The following OXNAD1 variants were observed in gnomAD, a reference collection of about 807,000 sequenced individuals.
OXNAD1 encodes oxidoreductase NAD-binding domain-containing protein 1.
Under a neutral mutation model 32.9 loss-of-function variants are expected in OXNAD1, and 34 were observed. The observed-to-expected ratio is 1.03, with a 90% CI of 0.79 to 1.38. OXNAD1 has a LOEUF of 1.38. OXNAD1 is among the 40% of genes most tolerant of loss of function. OXNAD1 has a pLI of 0.00. For synonymous variants in OXNAD1, 134 were observed against 135.2 expected (o/e 0.99, Z 0.06); for missense variants, 407 against 379.4 (o/e 1.07, Z -0.60).
chr3:16,316,751 C>T lies in OXNAD1; in HGVS notation c.*30+13159C>T. On this transcript the variant is annotated intron_variant, in intron 9 of 9. Transcript: ENST00000435829. The surrounding 1 kb of genome is among the most constrained non-coding windows in gnomAD (Gnocchi z 4.5). ...TAGGTAACACACAACACCAGGGAAACCAGCCCCCAAACCAGCTGTTGGTAA... is the reference window on the plus strand; with the variant it reads ...TAGGTAACACACAACACCAGGGAAATCAGCCCCCAAACCAGCTGTTGGTAA... 6.4e-7 allele frequency: 1 copy of T among 1,572,692 alleles called. No homozygotes were observed. The highest frequency in any genetic ancestry group is 1.1e-5 in the South Asian group (1 of 89,384).
In OXNAD1 at chr3:16,342,813, A is replaced by C. The variant is rs1027452228; in HGVS notation, c.*31-6363A>C. 4.6e-5 allele frequency among the ~76,000 whole-genome samples: 7 copies of C among 152,138 alleles called. No homozygotes were observed. The highest frequency in any genetic ancestry group is 1.4e-4 in the African/African-American group (6 of 41,426). On this transcript the variant is annotated intron_variant, in intron 9 of 9. Coordinates refer to the OXNAD1 transcript ENST00000606098. The surrounding 1 kb of genome is among the most constrained non-coding windows in gnomAD (Gnocchi z 4.0). ...TTCAAGTTGGAAGGGGTCAGGGTGG[A>C]CCTCTAGTCCAGTGGCTGCTAGGCC... is the stretch of plus-strand genomic sequence containing the variant.
Position 16,305,690 on chromosome 3 carries a change from C to A in OXNAD1, c.*2128C>A, listed in dbSNP as rs1480157947. On this transcript the variant is annotated 3_prime_UTR_variant, in exon 9 of 9. Coordinates refer to ENST00000285083, the MANE Select transcript of OXNAD1 (RefSeq NM_138381.5). This position sits in a 1 kb window ranked among gnomAD's most constrained non-coding sequence, Gnocchi z 4.5. The stretch of plus-strand genomic sequence containing the variant: ...TGAGCCAGATTGCCTGGGTTCAGAT[C>A]TCACCTATACTACTTACTAGGTAGA... 1 of 152,198 alleles carries A rather than the reference C, an allele frequency of 6.6e-6. No homozygotes were observed. Among genetic ancestry groups the A allele is most frequent in the Non-Finnish European group, 1.5e-5 (1 of 68,032 alleles). The allele number at this position is 152,198 out of a possible 1,614,324, so 9.4% of individuals were successfully genotyped here. A position where few individuals can be genotyped will look rare whatever the true frequency, so the allele number is the denominator to read the frequency against.
Position 16,316,908 on chromosome 3 carries a change from C to T in OXNAD1, c.*30+13316C>T. 6.2e-7 allele frequency: 1 copy of T among 1,614,136 alleles called. No homozygotes were observed. The highest frequency in any genetic ancestry group is 1.1e-5 in the South Asian group (1 of 91,084). ...GCATCCTCTCCAGGATTGGAGTGCC[C>T]AGTGCAAATCCCCACCAGGGCCCTG... On this transcript the variant is annotated intron_variant, in intron 9 of 9. Coordinates refer to the OXNAD1 transcript ENST00000435829. The surrounding 1 kb of genome is among the most constrained non-coding windows in gnomAD (Gnocchi z 4.5).
chr3:16,287,362 T>G lies in OXNAD1; in HGVS notation c.290+914T>G, dbSNP rs1559746876. 6.6e-6 allele frequency among the ~76,000 whole-genome samples: 1 copy of G among 152,190 alleles called. No homozygotes were observed. The highest frequency in any genetic ancestry group is 1.5e-5 in the Non-Finnish European group (1 of 68,036). On this transcript the variant is annotated intron_variant, in intron 5 of 8. Coordinates refer to ENST00000285083, the MANE Select transcript of OXNAD1 (RefSeq NM_138381.5). The surrounding 1 kb of genome is among the most constrained non-coding windows in gnomAD (Gnocchi z 4.8). ...TGATAATAGCAAGAGTTAGCAGTCTTGTGTGTTAATAGTTTGCCTTTGAAT... is the reference window on the plus strand; with the variant it reads ...TGATAATAGCAAGAGTTAGCAGTCTGGTGTGTTAATAGTTTGCCTTTGAAT...
rs574151957 is a variant in OXNAD1 at position 16,290,317 on chromosome 3, T to C, written c.290+3869T>C. Among the ~76,000 whole-genome samples, 3 of 152,376 alleles carry C rather than the reference T, an allele frequency of 2.0e-5. No individual in the cohort carries two copies. The highest frequency in any genetic ancestry group is 4.4e-5 in the Non-Finnish European group (3 of 68,042). The stretch of plus-strand genomic sequence containing the variant: ...TCTTGGACAGATGTTTTATGAAATA[T>C]GTATTGTGCATATTTTCTTAAATCC... On this transcript the variant is annotated intron_variant, in intron 5 of 8. Coordinates refer to ENST00000285083, the MANE Select transcript of OXNAD1 (RefSeq NM_138381.5). This position sits in a 1 kb window ranked among gnomAD's most constrained non-coding sequence, Gnocchi z 4.2.
chr3:16,300,574 A>G (rs1009051283), intron 6 of OXNAD1, among the ~76,000 whole-genome samples: 1 of 152,228 alleles, frequency 6.6e-6, no homozygotes, highest in Non-Finnish European at 1.5e-5. Flanking sequence ...TTTCACCTAC[A>G]AGAACGTCTT....
Position 16,329,254 on chromosome 3 carries a change from A to T in OXNAD1, c.*31-7858A>T, listed in dbSNP as rs561078037. 2.2e-4 allele frequency among the ~76,000 whole-genome samples: 34 copies of T among 152,332 alleles called. No individual in the cohort carries two copies. The highest frequency in any genetic ancestry group is 7.2e-4 in the African/African-American group (30 of 41,574). On this transcript the variant is annotated intron_variant, in intron 9 of 9. Coordinates refer to the OXNAD1 transcript ENST00000435829. The surrounding 1 kb of genome is among the most constrained non-coding windows in gnomAD (Gnocchi z 4.5). ...GGACTTCCCAGCCTCCAGGACCAGG[A>T]GCCAAGAACTGTCTGTCCTTTATAA...
At position 16,271,605 on chromosome 3, in the gene OXNAD1, T is replaced by G. The variant is rs963829118; in HGVS notation, c.120-54T>G. ...CATGATATTTCAGGAAAAACTAATT[T>G]TATTATTTTTATGAGGATAATATGT... is the stretch of plus-strand genomic sequence containing the variant. On this transcript the variant is annotated intron_variant, in intron 3 of 8. Coordinates refer to ENST00000285083, the MANE Select transcript of OXNAD1 (RefSeq NM_138381.5). The surrounding 1 kb of genome is among the most constrained non-coding windows in gnomAD (Gnocchi z 4.6). The G allele has an allele frequency of 2.2e-6, 3 of 1,360,568 alleles. No homozygotes were observed. Among genetic ancestry groups the G allele is most frequent in the Non-Finnish European group, 2.0e-6 (2 of 985,990 alleles). 84.3% of individuals were successfully genotyped at this position (1,360,568 alleles called of 1,614,324 possible).
Position 16,342,446 on chromosome 3 carries a change from A to G in OXNAD1, c.*31-6730A>G. Among the ~76,000 whole-genome samples, 1 of 152,208 alleles carries G rather than the reference A, an allele frequency of 6.6e-6. No individual in the cohort carries two copies. Reference sequence around the variant, plus strand: ...TTATTCATCATTTGATGAACATTTAAGTTGTTTCTACTTTTTGGACATTAC... The same window carrying G: ...TTATTCATCATTTGATGAACATTTAGGTTGTTTCTACTTTTTGGACATTAC... On this transcript the variant is annotated intron_variant, in intron 9 of 9. Coordinates refer to the OXNAD1 transcript ENST00000606098. The surrounding 1 kb of genome is among the most constrained non-coding windows in gnomAD (Gnocchi z 4.0).
At chr3:16,276,042 A>G (rs2065294789) in intron 4 of OXNAD1, 1 of 156,126 alleles carries the variant, frequency 6.4e-6, no homozygotes, top group Admixed American at 6.5e-5. Flanking sequence ...GTTAACATGT[A>G]TTTTGACTTG....
intron 5 of OXNAD1, among the ~76,000 whole-genome samples, chr3:16,294,614 GT>G (rs2125067012): frequency 1.3e-5 from 2 of 152,284 alleles, no homozygotes; most frequent in South Asian, 4.1e-4. Flanking sequence ...AGATTTGGTA[GT>G]TTATGTCATT....
At chr3:16,272,484 A>G (rs2065018827) in intron 4 of OXNAD1, among the ~76,000 whole-genome samples, 2 of 152,210 alleles carry the variant, frequency 1.3e-5, no homozygotes, top group South Asian at 2.1e-4. Context: ...TACTTCTACA[A>G]ACATGGGCAG....
rs142372663 is a variant in OXNAD1, at chr3:16,289,318, T to C, written c.290+2870T>C. On this transcript the variant is annotated intron_variant, in intron 5 of 8. Transcript: ENST00000285083. The surrounding 1 kb of genome is among the most constrained non-coding windows in gnomAD (Gnocchi z 4.9). ...CAGGAGTGGGGGCTTATCACCACCA[T>C]GTCACCACTGATGCCCCAGTCAGTA... is the stretch of plus-strand genomic sequence containing the variant. 6.6e-6 allele frequency among the ~76,000 whole-genome samples: 1 copy of C among 152,280 alleles called. No homozygotes were observed. The highest frequency in any genetic ancestry group is 2.4e-5 in the African/African-American group (1 of 41,550).
intron 9 of OXNAD1, among the ~76,000 whole-genome samples, chr3:16,313,051 CTT>C (rs11325593): frequency 2.0e-4 from 29 of 145,354 alleles, no homozygotes; most frequent in African/African-American, 3.3e-4. Flanking sequence ...CAAGATCCAT[CTT>C]TTTTTTTTTT....
In OXNAD1 at chr3:16,317,200, G is replaced by A; in HGVS notation, c.*30+13608G>A. 2 of 1,613,120 alleles carry A rather than the reference G, an allele frequency of 1.2e-6. No homozygotes were observed. The highest frequency in any genetic ancestry group is 1.7e-6 in the Non-Finnish European group (2 of 1,179,946). On this transcript the variant is annotated intron_variant, in intron 9 of 9. Coordinates refer to the OXNAD1 transcript ENST00000435829. This position sits in a 1 kb window ranked among gnomAD's most constrained non-coding sequence, Gnocchi z 4.3. ...CTTTTGATTTCCTCATCTGCCTGTT[G>A]TGCATTTCTTCTCTGGAGAATCGCC... is the stretch of plus-strand genomic sequence containing the variant.
rs1575021222 is a variant in OXNAD1 at position 16,334,101 on chromosome 3, G to A, written c.*31-3011G>A. ...AATGGCTTGAACCTAGGAGGCAGAA[G>A]CTGCAGTGAGCCGAGATCGTGCCAC... is the stretch of plus-strand genomic sequence containing the variant. On this transcript the variant is annotated intron_variant, in intron 9 of 9. Coordinates refer to the OXNAD1 transcript ENST00000435829. This position sits in a 1 kb window ranked among gnomAD's most constrained non-coding sequence, Gnocchi z 4.3. 6.6e-6 allele frequency among the ~76,000 whole-genome samples: 1 copy of A among 152,206 alleles called. No individual in the cohort carries two copies. Among genetic ancestry groups the A allele is most frequent in the Non-Finnish European group, 1.5e-5 (1 of 68,032 alleles).
chr3:16,351,624 C>T (rs2072108627), downstream of OXNAD1, among the ~76,000 whole-genome samples: 1 of 152,190 alleles, frequency 6.6e-6, no homozygotes, highest in Admixed American at 6.5e-5. The surrounding 1 kb of genome is among the most constrained non-coding windows in gnomAD (Gnocchi z 5.4). Context: ...GTAGCAGCTG[C>T]TTTCTAGGAT....
rs914257469 is a variant in OXNAD1, at chr3:16,322,194, G to A, written c.*31-14918G>A. Among the ~76,000 whole-genome samples, 4 of 152,214 alleles carry A rather than the reference G, an allele frequency of 2.6e-5. No homozygotes were observed. The highest frequency in any genetic ancestry group is 7.2e-5 in the African/African-American group (3 of 41,458). On this transcript the variant is annotated intron_variant, in intron 9 of 9. Transcript: ENST00000435829. The surrounding 1 kb of genome is among the most constrained non-coding windows in gnomAD (Gnocchi z 6.2). ...TGCTCCTGGTGGTTGATGGTGGGCT[G>A]GCAGTTCCCTTCTGGTCCATTGTGC...
rs560246447 is a variant in OXNAD1 at position 16,336,082 on chromosome 3, G to T, written c.*31-1030G>T. ...ATGGAAAGTGGAGATCTAGAGGCAG[G>T]GTGGACAGGAATGCCAAGACAGAAA... On this transcript the variant is annotated intron_variant, in intron 9 of 9. Coordinates refer to the OXNAD1 transcript ENST00000435829. The surrounding 1 kb of genome is among the most constrained non-coding windows in gnomAD (Gnocchi z 6.0). 3.9e-4 allele frequency among the ~76,000 whole-genome samples: 59 copies of T among 152,322 alleles called. 1 individual carries two copies. Among genetic ancestry groups the T allele is most frequent in the African/African-American group, 1.4e-3 (58 of 41,584 alleles).
Sources: allele counts gnomAD v4.1 joint callset (sites outside exome capture counted in the v4.1 genomes callset), GRCh38; gene constraint gnomAD v4.1.1; non-coding constraint Gnocchi (gnomAD v3.1); transcripts MANE v1.5; gene names NCBI Gene and HGNC (gene_info 2026-07-23, HGNC 2026-07-21).